FGF14: variants seen among roughly 807,000 people sequenced by gnomAD.
FGF14 encodes the protein fibroblast growth factor homologous factor 4.
FGF14 carries 5 observed loss-of-function variants against 25.5 expected under a neutral mutation model. That is an observed-to-expected ratio of 0.20 (90% CI 0.10 to 0.41). FGF14 has a LOEUF of 0.41. Among genes scored for constraint, FGF14 ranks in the 10% least tolerant of loss-of-function variants. The probability of loss-of-function intolerance (pLI) is 1.00; values close to 1 mark genes in which losing one functional copy is unlikely to be tolerated. For missense variants in FGF14, 222 were observed against 320.1 expected (o/e 0.69, Z 2.34); for synonymous variants, 138 against 118.3 (o/e 1.17, Z -1.08).
At chr13:101,994,753 AATT>A (rs1408133466) in intron 1 of FGF14, among the ~76,000 whole-genome samples, 2 of 152,072 alleles carry the variant, frequency 1.3e-5, no homozygotes, top group Admixed American at 1.3e-4. Context: ...CTAAATTAAC[AATT>A]ATATTTCATG....
At chr13:102,275,809 A>G (rs1281224447) in intron 1 of FGF14, among the ~76,000 whole-genome samples, 2 of 152,136 alleles carry the variant, frequency 1.3e-5, no homozygotes, top group African/African-American at 4.8e-5. Flanking sequence ...TCCCTCTACA[A>G]TCTTCCCAAG....
At chr13:102,026,202 TA>T (rs1163759784) in intron 1 of FGF14, among the ~76,000 whole-genome samples, 3 of 152,050 alleles carry the variant, frequency 2.0e-5, no homozygotes, top group Non-Finnish European at 4.4e-5. Flanking sequence ...ATGAGCATGC[TA>T]TATTTTGTTC....
intron 3 of FGF14, among the ~76,000 whole-genome samples, chr13:101,857,388 T>C (rs3902058): frequency 0.57 from 86,116 of 151,704 alleles, 24,720 homozygotes; most frequent in South Asian, 0.74. Flanking sequence ...CTGGGACATG[T>C]TTATTAACAT....
intron 1 of FGF14, among the ~76,000 whole-genome samples, chr13:102,249,794 A>G (rs1012148875): frequency 2.6e-5 from 4 of 152,094 alleles, no homozygotes; most frequent in African/African-American, 9.7e-5. Context: ...ACATCTCTTG[A>G]ATTATTTGGT....
chr13:102,110,582 CAT>C (rs1426461099), intron 1 of FGF14, among the ~76,000 whole-genome samples: 2 of 152,166 alleles, frequency 1.3e-5, no homozygotes, highest in East Asian at 3.9e-4. Context: ...AACAGAACCA[CAT>C]GTTTCACAGA....
chr13:101,933,941 T>A (rs1156819261), intron 1 of FGF14, among the ~76,000 whole-genome samples: 1 of 152,210 alleles, frequency 6.6e-6, no homozygotes, highest in East Asian at 1.9e-4. Flanking sequence ...TATATACATG[T>A]ATGTATATGT....
chr13:102,079,020 T>C (rs1397613280), intron 1 of FGF14, among the ~76,000 whole-genome samples: 1 of 152,172 alleles, frequency 6.6e-6, no homozygotes, highest in Admixed American at 6.5e-5. Context: ...ACTTGGTGGT[T>C]CTTCAGACAG....
At chr13:102,150,972 T>C (rs1319056140) in intron 1 of FGF14, among the ~76,000 whole-genome samples, 1 of 152,214 alleles carries the variant, frequency 6.6e-6, no homozygotes, top group Non-Finnish European at 1.5e-5. Context: ...GTGTTGGGAA[T>C]GCAAAGAAAA....
At chr13:102,270,765 TTAA>T (rs1429586435) in intron 1 of FGF14, among the ~76,000 whole-genome samples, 1 of 152,182 alleles carries the variant, frequency 6.6e-6, no homozygotes, top group Non-Finnish European at 1.5e-5. Flanking sequence ...TTTGTTTGTC[TTAA>T]TGTTTTTCTT....
At chr13:102,288,611 G>C (rs1041394685) in intron 1 of FGF14, among the ~76,000 whole-genome samples, 4 of 150,900 alleles carry the variant, frequency 2.7e-5, no homozygotes, top group African/African-American at 7.3e-5. Flanking sequence ...TTGAGATGGC[G>C]TCTCACTCTG....
rs375799367 is a variant in FGF14, at chr13:102,229,505, G to A, written c.208+171966C>T. ...TCCACTATTTCTTGCTACTGGTAAG[G>A]GTAGGTATAAAAGATCCTAAAGTTG... On this transcript the variant is annotated intron_variant, in intron 1 of 4. Transcript: ENST00000376131. Among the ~76,000 whole-genome samples, 4 of 152,252 alleles carry A rather than the reference G, an allele frequency of 2.6e-5. No homozygotes were observed. The East Asian group carries it at 5.8e-4, about 22-fold the overall frequency.
In FGF14 at chr13:102,170,971, C is replaced by T. The variant is rs74928712; in HGVS notation, c.208+230500G>A. On this transcript the variant is annotated intron_variant, in intron 1 of 4. Coordinates refer to the FGF14 transcript ENST00000376131. ...ACAATGTAAAGCATTGCTTTAAAAT[C>T]TTTAACAATGAAAGCTTAAAAATGA... 1.9e-3 allele frequency among the ~76,000 whole-genome samples: 295 copies of T among 152,154 alleles called. 1 individual carries two copies. The highest frequency in any genetic ancestry group is 7.0e-3 in the African/African-American group (290 of 41,536).
rs550088178 is a variant in FGF14 at position 102,360,069 on chromosome 13, A to G, written c.208+41402T>C. 7.9e-5 allele frequency among the ~76,000 whole-genome samples: 12 copies of G among 152,300 alleles called. No individual in the cohort carries two copies. The East Asian group carries it at 2.3e-3, about 29-fold the overall frequency. On this transcript the variant is annotated intron_variant, in intron 1 of 4. Transcript: ENST00000376131. Reference sequence around the variant, plus strand: ...TAAATATCAGAAGTAGCTATAACACATAAAAATATGGATTCATTACTCATT... The same window carrying G: ...TAAATATCAGAAGTAGCTATAACACGTAAAAATATGGATTCATTACTCATT...
intron 1 of FGF14, among the ~76,000 whole-genome samples, chr13:101,955,593 G>T (rs1201648735): frequency 6.6e-6 from 1 of 152,240 alleles, no homozygotes; most frequent in African/African-American, 2.4e-5. Context: ...GACAGCATTG[G>T]ATGTGCGTGA....
intron 3 of FGF14, among the ~76,000 whole-genome samples, chr13:101,768,585 AAC>A (rs1250936600): frequency 6.6e-6 from 1 of 152,144 alleles, no homozygotes; most frequent in Non-Finnish European, 1.5e-5. Context: ...CAGTTACCAT[AAC>A]CAAGACAGTG....
rs1376062915 is a variant in FGF14, at chr13:101,719,657, C to T, written c.*3174G>A. ...GAGGGACTGGCAAAGCAATCAGCTACTATAACAAATCAGTAGAAATAACCC... is the reference window on the plus strand; with the variant it reads ...GAGGGACTGGCAAAGCAATCAGCTATTATAACAAATCAGTAGAAATAACCC... On this transcript the variant is annotated 3_prime_UTR_variant, in exon 5 of 5. Coordinates refer to ENST00000376143, the MANE Select transcript of FGF14 (RefSeq NM_004115.4). 1 of 152,048 alleles carries T rather than the reference C, an allele frequency of 6.6e-6. No homozygotes were observed. The highest frequency in any genetic ancestry group is 6.6e-5 in the Admixed American group (1 of 15,234). The allele number at this position is 152,048 out of a possible 1,614,324, so 9.4% of individuals were successfully genotyped here.
chr13:101,979,996 AG>A (rs1434161674), intron 1 of FGF14, among the ~76,000 whole-genome samples: 1 of 152,240 alleles, frequency 6.6e-6, no homozygotes, highest in Non-Finnish European at 1.5e-5. Flanking sequence ...CACTCTCAGC[AG>A]TGAGGCAACC....
intron 1 of FGF14, among the ~76,000 whole-genome samples, chr13:102,218,646 G>T (rs1387924806): frequency 1.3e-5 from 2 of 151,628 alleles, no homozygotes; most frequent in Admixed American, 1.3e-4. Flanking sequence ...TTAAGCTAGG[G>T]TGCCATAACT....
chr13:102,145,278 A>G (rs2046809209), intron 1 of FGF14, among the ~76,000 whole-genome samples: 1 of 152,154 alleles, frequency 6.6e-6, no homozygotes, highest in Non-Finnish European at 1.5e-5. Flanking sequence ...ATGAGACTCA[A>G]TTCTAGCCAA....
Sources: gnomAD v4.1 joint callset for allele counts (sites outside exome capture counted in the v4.1 genomes callset) on GRCh38, gnomAD v4.1.1 for gene constraint, MANE v1.5 for transcripts, NCBI Gene and HGNC (gene_info 2026-07-23, HGNC 2026-07-21) for gene names.